The following OR6S1 variants were observed in gnomAD, a reference collection of about 807,000 sequenced individuals.
The protein encoded by OR6S1 is olfactory receptor family 6 subfamily S member 1.
For missense variants in OR6S1, 443 were observed against 401.7 expected, an observed-to-expected ratio of 1.10 and a Z score of -0.88; for synonymous variants, 182 against 166.0, an observed-to-expected ratio of 1.10 and a Z score of -0.74.
In OR6S1 at chr14:20,640,768, A is replaced by C; in HGVS notation, c.924T>G (p.Phe308Leu). 6.2e-7 allele frequency: 1 copy of C among 1,613,934 alleles called. No homozygotes were observed. The highest frequency in any genetic ancestry group is 8.5e-7 in the Non-Finnish European group (1 of 1,179,914). Residue 308 changes from phenylalanine to leucine, a missense_variant, in exon 1 of 1, where the codon TTT becomes TTG. By Grantham distance (22) the Phe-to-Leu change is conservative. Coordinates refer to ENST00000320704, the MANE Select transcript of OR6S1 (RefSeq NM_001001968.1). The stretch of plus-strand genomic sequence containing the variant: ...CTAAAACGCCTGCCACTACCTTCCT[A>C]AACATGTCCTTCAAAGCTTCCTTGA... ...EQVKEALKDM[F>L]RKVVAGVLGN... is the part of the protein sequence containing the mutation.
In OR6S1 at chr14:20,641,441, A is replaced by G. The variant is rs749587767; in HGVS notation, c.251T>C (p.Leu84Pro). ...GTGTTGCCTTGAGAGGAAATTGCTC[A>G]GCATCTTTGGAATGATGACAGAAGT... ...LLTSVIIPKM[L>P]SNFLSRQHTI... Residue 84 changes from leucine to proline, a missense_variant, in exon 1 of 1, where the codon CTG (leucine) becomes CCG (proline). Transcript: ENST00000320704. The G allele has an allele frequency of 1.2e-6, 2 of 1,614,114 alleles. No homozygotes were observed. Among genetic ancestry groups the G allele is most frequent in the Non-Finnish European group, 1.7e-6 (2 of 1,180,026 alleles).
rs1190921122 is a variant in OR6S1 at position 20,641,463 on chromosome 14, A to G, written c.229T>C (p.Ser77Pro). Reference sequence around the variant, plus strand: ...CTCAGCATCTTTGGAATGATGACAGAAGTGAGCAGTATCTCTAGGCAGGAC... The same window carrying G: ...CTCAGCATCTTTGGAATGATGACAGGAGTGAGCAGTATCTCTAGGCAGGAC... ...NLSCLEILLT[S>P]VIIPKMLSNF... is the part of the protein sequence containing the mutation. The change falls in exon 1 of 1, where the codon TCT becomes CCT. Residue 77 changes from serine (S) to proline (P), a missense_variant. Physicochemically the swap from Ser to Pro is moderately conservative, Grantham distance 74. Transcript: ENST00000320704. 2 of 1,614,194 alleles carry G rather than the reference A, an allele frequency of 1.2e-6. No homozygotes were observed. Among genetic ancestry groups the G allele is most frequent in the South Asian group, 2.2e-5 (2 of 91,078 alleles).
At position 20,641,122 on chromosome 14, in the gene OR6S1, C is replaced by A; in HGVS notation, c.570G>T (p.Leu190=). Residue 190 remains leucine, a synonymous_variant, in exon 1 of 1, where the codon CTG becomes CTT. Transcript: ENST00000320704. Reference sequence around the variant, plus strand: ...CCAGCTTCTTGGTGTTGGTGCAAGCCAGGCGGAGCAGTGGGCCACTGTCGC... The same window carrying A: ...CCAGCTTCTTGGTGTTGGTGCAAGCAAGGCGGAGCAGTGGGCCACTGTCGC... The part of the protein sequence containing the change: ...FFCDSGPLLR[L]ACTNTKKLEE... 6.2e-7 allele frequency: 1 copy of A among 1,614,028 alleles called. No homozygotes were observed. The highest frequency in any genetic ancestry group is 8.5e-7 in the Non-Finnish European group (1 of 1,179,944).
Position 20,641,491 on chromosome 14 carries a change from G to T in OR6S1, c.201C>A (p.Asn67Lys). The change falls in exon 1 of 1, where the codon AAC becomes AAA. Residue 67 changes from asparagine (N) to lysine (K), a missense_variant. Asn to Lys is a moderately conservative substitution (Grantham distance 94). Coordinates refer to ENST00000320704, the MANE Select transcript of OR6S1 (RefSeq NM_001001968.1). ...LQTPMYFFLGNLSCLEILLTS... is the reference protein window; with the variant it reads ...LQTPMYFFLGKLSCLEILLTS... ...TGAGCAGTATCTCTAGGCAGGACAG[G>T]TTACCCAGAAAGAAGTACATAGGGG... 4 of 1,613,950 alleles carry T rather than the reference G, an allele frequency of 2.5e-6. No individual in the cohort carries two copies. Among genetic ancestry groups the T allele is most frequent in the African/African-American group, 1.3e-5 (1 of 75,046 alleles).
chr14:20,641,142 T>A lies in OR6S1; in HGVS notation c.550A>T (p.Ser184Cys). ...GAVVQHFFCD[S>C]GPLLRLACTN... ...CAAGCCAGGCGGAGCAGTGGGCCACTGTCGCAGAAGAAGTGCTGTACCACA... is the reference window on the plus strand; with the variant it reads ...CAAGCCAGGCGGAGCAGTGGGCCACAGTCGCAGAAGAAGTGCTGTACCACA... Residue 184 changes from serine (S) to cysteine (C), a missense_variant, in exon 1 of 1, where the codon AGT becomes TGT. Ser to Cys is a moderately radical substitution (Grantham distance 112). Coordinates refer to ENST00000320704, the MANE Select transcript of OR6S1 (RefSeq NM_001001968.1). The A allele has an allele frequency of 6.2e-7, 1 of 1,614,010 alleles. No individual in the cohort carries two copies. Among genetic ancestry groups the A allele is most frequent in the Non-Finnish European group, 8.5e-7 (1 of 1,179,924 alleles).
At position 20,641,230 on chromosome 14, in the gene OR6S1, T is replaced by C. The variant is rs1566581579; in HGVS notation, c.462A>G (p.Gly154=). 6.2e-7 allele frequency: 1 copy of C among 1,612,308 alleles called. No individual in the cohort carries two copies. The highest frequency in any genetic ancestry group is 2.2e-5 in the East Asian group (1 of 44,784). The stretch of plus-strand genomic sequence containing the variant: ...CTGTGGGACCAAGCACAGGGACGAG[T>C]CCCCCCACCCAGCAGGCCAAGGCCA... ...FRVALACWVG[G]LVPVLGPTVA... is the part of the protein sequence containing the mutation. Residue 154 remains glycine (G), a synonymous_variant, in exon 1 of 1, where the codon GGA becomes GGG. Coordinates refer to ENST00000320704, the MANE Select transcript of OR6S1 (RefSeq NM_001001968.1).
chr14:20,641,088 C>A lies in OR6S1; in HGVS notation c.604G>T (p.Asp202Tyr). 1.2e-6 allele frequency: 2 copies of A among 1,614,174 alleles called. No homozygotes were observed. The highest frequency in any genetic ancestry group is 2.2e-5 in the South Asian group (2 of 91,068). The change falls in exon 1 of 1, where the codon GAC becomes TAC. Residue 202 changes from aspartate to tyrosine, a missense_variant. Transcript: ENST00000320704. ...ATGACGAGGGAGGCCAGGACAAAGTCAGTCTCCTCCAGCTTCTTGGTGTTG... is the reference window on the plus strand; with the variant it reads ...ATGACGAGGGAGGCCAGGACAAAGTAAGTCTCCTCCAGCTTCTTGGTGTTG... ...CTNTKKLEET[D>Y]FVLASLVIVS...
Position 20,641,549 on chromosome 14 carries a change from A to G in OR6S1, c.143T>C (p.Val48Ala), listed in dbSNP as rs1047134729. ...TCGAGTATCAGCCCTTACCACCCCC[A>G]CAATCAACACATTGCCTGTCAGATT... Reference protein sequence around the residue: ...LLNLTGNVLIVGVVRADTRLQ... With the variant: ...LLNLTGNVLIAGVVRADTRLQ... Residue 48 changes from valine (V) to alanine (A), a missense_variant, in exon 1 of 1, where the codon GTG (valine) becomes GCG (alanine). Coordinates refer to ENST00000320704, the MANE Select transcript of OR6S1 (RefSeq NM_001001968.1). 3 of 1,613,796 alleles carry G rather than the reference A, an allele frequency of 1.9e-6. No homozygotes were observed. The highest frequency in any genetic ancestry group is 2.5e-6 in the Non-Finnish European group (3 of 1,179,794).
rs1885540462 is a variant in OR6S1 at position 20,641,503 on chromosome 14, G to A, written c.189C>T (p.Phe63=). The A allele has an allele frequency of 6.2e-7, 1 of 1,613,870 alleles. No homozygotes were observed. The change falls in exon 1 of 1, where the codon TTC becomes TTT. Residue 63 remains phenylalanine, a synonymous_variant. Coordinates refer to ENST00000320704, the MANE Select transcript of OR6S1 (RefSeq NM_001001968.1). ...ADTRLQTPMY[F]FLGNLSCLEI... Reference sequence around the variant, plus strand: ...CTAGGCAGGACAGGTTACCCAGAAAGAAGTACATAGGGGTCTGTAGTCGAG... The same window carrying A: ...CTAGGCAGGACAGGTTACCCAGAAAAAAGTACATAGGGGTCTGTAGTCGAG...
Position 20,640,706 on chromosome 14 carries a change from G to A in OR6S1, c.986C>T (p.Ala329Val). Residue 329 changes from alanine to valine, a missense_variant, in exon 1 of 1, where the codon GCA becomes GTA. Ala to Val is a moderately conservative substitution (Grantham distance 64). Transcript: ENST00000320704. ...LLLDKCLSEKAVK is the reference protein window; with the variant it reads ...LLLDKCLSEKVVK ...CTAGACTCTTCACTTTTACTTTACTGCTTTCTCACTGAGACATTTATCAAG... is the reference window on the plus strand; with the variant it reads ...CTAGACTCTTCACTTTTACTTTACTACTTTCTCACTGAGACATTTATCAAG... 4 of 1,420,836 alleles carry A rather than the reference G, an allele frequency of 2.8e-6. No homozygotes were observed. The highest frequency in any genetic ancestry group is 3.8e-6 in the Non-Finnish European group (4 of 1,043,902). The allele number at this position is 1,420,836 out of a possible 1,614,324, so 88.0% of individuals were successfully genotyped here. A position where few individuals can be genotyped will look rare whatever the true frequency, so the allele number is the denominator to read the frequency against.
At position 20,641,373 on chromosome 14, in the gene OR6S1, A is replaced by C; in HGVS notation, c.319T>G (p.Phe107Val). 1.2e-6 allele frequency: 2 copies of C among 1,614,214 alleles called. No homozygotes were observed. Among genetic ancestry groups the C allele is most frequent in the Non-Finnish European group, 1.7e-6 (2 of 1,180,006 alleles). ...AACITQFYFY[F>V]FLGASEFLLL... Reference sequence around the variant, plus strand: ...AAGAACTCGGAGGCCCCGAGAAAGAAGTAGAAATAGAATTGGGTGATACAT... The same window carrying C: ...AAGAACTCGGAGGCCCCGAGAAAGACGTAGAAATAGAATTGGGTGATACAT... The change falls in exon 1 of 1, where the codon TTC becomes GTC. Residue 107 changes from phenylalanine to valine, a missense_variant. Coordinates refer to ENST00000320704, the MANE Select transcript of OR6S1 (RefSeq NM_001001968.1).
Position 20,641,013 on chromosome 14 carries a change from C to T in OR6S1, c.679G>A (p.Ala227Thr). 1 of 1,613,916 alleles carries T rather than the reference C, an allele frequency of 6.2e-7. No homozygotes were observed. The highest frequency in any genetic ancestry group is 8.5e-7 in the Non-Finnish European group (1 of 1,179,944). The stretch of plus-strand genomic sequence containing the variant: ...GAAGCAGAGGGGATGCTCAGGACTG[C>T]CAGCACAATGAGGCCGTAGGACACA... Reference protein sequence around the residue: ...TAVSYGLIVLAVLSIPSASGR... With the variant: ...TAVSYGLIVLTVLSIPSASGR... The change falls in exon 1 of 1, where the codon GCA (alanine) becomes ACA (threonine). Residue 227 changes from alanine (A) to threonine (T), a missense_variant. Physicochemically the swap from Ala to Thr is moderately conservative, Grantham distance 58. Transcript: ENST00000320704.
rs752283036 is a variant in OR6S1, at chr14:20,641,006, A to AG, written c.685dup (p.Leu229ProfsTer46). ...ACGGCCTGAAGCAGAGGGGATGCTC[A>AG]GGACTGCCAGCACAATGAGGCCGTA... On this transcript the variant is annotated frameshift_variant, in exon 1 of 1. Coordinates refer to ENST00000320704, the MANE Select transcript of OR6S1 (RefSeq NM_001001968.1). LOFTEE classifies it low-confidence loss of function (END_TRUNC). The AG allele has an allele frequency of 1.5e-5, 25 of 1,613,960 alleles. No individual in the cohort carries two copies. In the African/African-American group the frequency reaches 2.8e-4, roughly 18 times the overall value.
Position 20,641,336 on chromosome 14 carries a change from A to G in OR6S1, c.356T>C (p.Val119Ala). 6.2e-7 allele frequency: 1 copy of G among 1,614,192 alleles called. No individual in the cohort carries two copies. Among genetic ancestry groups the G allele is most frequent in the South Asian group, 1.1e-5 (1 of 91,080 alleles). The change falls in exon 1 of 1, where the codon GTC becomes GCC. Residue 119 changes from valine to alanine, a missense_variant. Coordinates refer to ENST00000320704, the MANE Select transcript of OR6S1 (RefSeq NM_001001968.1). ...LGASEFLLLA[V>A]MSADRYLAIC... ...GGCCAGGTAGCGATCCGCAGACATG[A>G]CAGCCAACAGTAAGAACTCGGAGGC...
rs746803789 is a variant in OR6S1 at position 20,641,287 on chromosome 14, G to A, written c.405C>T (p.Pro135=). ...AGCACACAGCCCCACTCATGAGCAA[G>A]GGGTAGCGCAGAGGATGACAGATGG... ...YLAICHPLRY[P]LLMSGAVCFR... The change falls in exon 1 of 1, where the codon CCC becomes CCT. Residue 135 remains proline (P), a synonymous_variant. Coordinates refer to ENST00000320704, the MANE Select transcript of OR6S1 (RefSeq NM_001001968.1). 8.1e-6 allele frequency: 13 copies of A among 1,614,012 alleles called. No homozygotes were observed. The Admixed American group carries it at 1.2e-4, about 14-fold the overall frequency.
chr14:20,641,525 C>A lies in OR6S1; in HGVS notation c.167G>T (p.Arg56Leu). The A allele has an allele frequency of 4.3e-6, 7 of 1,613,814 alleles. No homozygotes were observed. Among genetic ancestry groups the A allele is most frequent in the South Asian group, 3.3e-5 (3 of 91,060 alleles). Reference protein sequence around the residue: ...LIVGVVRADTRLQTPMYFFLG... With the variant: ...LIVGVVRADTLLQTPMYFFLG... Reference sequence around the variant, plus strand: ...AAAGAAGTACATAGGGGTCTGTAGTCGAGTATCAGCCCTTACCACCCCCAC... The same window carrying A: ...AAAGAAGTACATAGGGGTCTGTAGTAGAGTATCAGCCCTTACCACCCCCAC... Residue 56 changes from arginine (R) to leucine (L), a missense_variant, in exon 1 of 1, where the codon CGA becomes CTA. Transcript: ENST00000320704.
Position 20,641,116 on chromosome 14 carries a change from G to A in OR6S1, c.576C>T (p.Cys192=). 1 of 1,614,100 alleles carries A rather than the reference G, an allele frequency of 6.2e-7. No homozygotes were observed. The highest frequency in any genetic ancestry group is 8.5e-7 in the Non-Finnish European group (1 of 1,179,938). ...CDSGPLLRLA[C]TNTKKLEETD... is the part of the protein sequence containing the mutation. The stretch of plus-strand genomic sequence containing the variant: ...TCTCCTCCAGCTTCTTGGTGTTGGT[G>A]CAAGCCAGGCGGAGCAGTGGGCCAC... The change falls in exon 1 of 1, where the codon TGC becomes TGT. Residue 192 remains cysteine, a synonymous_variant. Coordinates refer to ENST00000320704, the MANE Select transcript of OR6S1 (RefSeq NM_001001968.1).
In OR6S1 at chr14:20,641,046, T is replaced by A. The variant is rs771422443; in HGVS notation, c.646A>T (p.Ile216Phe). 8.7e-6 allele frequency: 14 copies of A among 1,613,902 alleles called. No homozygotes were observed. In the Admixed American group the frequency reaches 2.3e-4, roughly 27 times the overall value. Residue 216 changes from isoleucine (I) to phenylalanine (F), a missense_variant, in exon 1 of 1, where the codon ATC (isoleucine) becomes TTC (phenylalanine). Ile to Phe is a conservative substitution (Grantham distance 21). Coordinates refer to ENST00000320704, the MANE Select transcript of OR6S1 (RefSeq NM_001001968.1). ...ASLVIVSSLLITAVSYGLIVL... is the reference protein window; with the variant it reads ...ASLVIVSSLLFTAVSYGLIVL... ...ATGAGGCCGTAGGACACAGCAGTGA[T>A]CAGCAAGGAAGATACAATGACGAGG...
chr14:20,641,354 T>C lies in OR6S1; in HGVS notation c.338A>G (p.Glu113Gly). 1 of 1,613,952 alleles carries C rather than the reference T, an allele frequency of 6.2e-7. No homozygotes were observed. Among genetic ancestry groups the C allele is most frequent in the Non-Finnish European group, 8.5e-7 (1 of 1,179,958 alleles). Reference sequence around the variant, plus strand: ...AGACATGACAGCCAACAGTAAGAACTCGGAGGCCCCGAGAAAGAAGTAGAA... The same window carrying C: ...AGACATGACAGCCAACAGTAAGAACCCGGAGGCCCCGAGAAAGAAGTAGAA... Reference protein sequence around the residue: ...FYFYFFLGASEFLLLAVMSAD... With the variant: ...FYFYFFLGASGFLLLAVMSAD... The change falls in exon 1 of 1, where the codon GAG becomes GGG. Residue 113 changes from glutamate to glycine, a missense_variant. Physicochemically the swap from Glu to Gly is moderately conservative, Grantham distance 98 (BLOSUM62 -2). Coordinates refer to ENST00000320704, the MANE Select transcript of OR6S1 (RefSeq NM_001001968.1).
Sources: allele counts gnomAD v4.1 joint callset, GRCh38; gene constraint gnomAD v4.1.1; transcripts MANE v1.5; gene names NCBI Gene and HGNC (gene_info 2026-07-23, HGNC 2026-07-21).